The following TRPM3 variants were observed in gnomAD, a reference collection of about 807,000 sequenced individuals.
TRPM3 encodes the protein long transient receptor potential channel 3.
TRPM3 carries 77 observed loss-of-function variants against 181.2 expected under a neutral mutation model. That is an observed-to-expected ratio of 0.42 (90% CI 0.35 to 0.51). The LOEUF (loss-of-function observed/expected upper bound fraction) is 0.51. TRPM3 is among the 20% of genes least tolerant of loss of function. The pLI, the probability that TRPM3 is intolerant of heterozygous loss-of-function variation, is 0.01. For synonymous variants in TRPM3, 745 were observed against 796.4 expected, an observed-to-expected ratio of 0.94 and a Z score of 1.09; for missense variants, 1,759 against 2,196.7, an observed-to-expected ratio of 0.80 and a Z score of 3.98.
At chr9:70,954,425 A>G (rs2097042709) in intron 1 of TRPM3, among the ~76,000 whole-genome samples, 2 of 152,100 alleles carry the variant, frequency 1.3e-5, no homozygotes, top group Admixed American at 1.3e-4. Context: ...TTCCTACTAA[A>G]AGAGTCCTCT....
intron 1 of TRPM3, among the ~76,000 whole-genome samples, chr9:71,292,592 GATTGGAGAA>G (rs2085909022): frequency 6.6e-6 from 1 of 151,874 alleles, no homozygotes; most frequent in African/African-American, 2.4e-5. Context: ...GTTAAGAAGA[GATTGGAGAA>G]ATAGAAAATT....
At chr9:71,366,690 A>G (rs1247332572) in intron 1 of TRPM3, among the ~76,000 whole-genome samples, 2 of 152,166 alleles carry the variant, frequency 1.3e-5, no homozygotes, top group Non-Finnish European at 2.9e-5. Context: ...TTCTGTTTGT[A>G]TATTTAAAAT....
At chr9:71,234,033 G>A (rs2081223918) in intron 1 of TRPM3, among the ~76,000 whole-genome samples, 1 of 152,170 alleles carries the variant, frequency 6.6e-6, no homozygotes. Context: ...TATGGGCCAG[G>A]AATTTGGGAG....
Position 70,607,959 on chromosome 9 carries a change from C to A in TRPM3, c.2667+2650G>T, listed in dbSNP as rs990607714. On this transcript the variant is annotated intron_variant, in intron 19 of 25. Coordinates refer to ENST00000677713, the MANE Select transcript of TRPM3 (RefSeq NM_001366145.2). ...AATGAGATTTAGCCTAAAGCTGCCTCCTTAAGTTCGGCCTGAAGTTTTCTC... is the reference window on the plus strand; with the variant it reads ...AATGAGATTTAGCCTAAAGCTGCCTACTTAAGTTCGGCCTGAAGTTTTCTC... 1.3e-3 allele frequency among the ~76,000 whole-genome samples: 191 copies of A among 152,282 alleles called. 2 individuals are homozygous for A. The highest frequency in any genetic ancestry group is 1.5e-4 in the Non-Finnish European group (10 of 68,012).
At chr9:71,421,388 A>C (rs1179273702) in intron 1 of TRPM3, among the ~76,000 whole-genome samples, 3 of 151,832 alleles carry the variant, frequency 2.0e-5, no homozygotes, top group African/African-American at 4.8e-5. Flanking sequence ...AAAAAGGAAG[A>C]AAAGCTTTCT....
At chr9:70,560,920 G>T (rs140458503) in intron 22 of TRPM3, among the ~76,000 whole-genome samples, 9 of 152,284 alleles carry the variant, frequency 5.9e-5, no homozygotes, top group Admixed American at 2.0e-4. Flanking sequence ...GCAGGGAAAA[G>T]AAGTATTTAT....
chr9:70,837,623 C>G (rs1009120213), intron 5 of TRPM3, among the ~76,000 whole-genome samples: 9 of 152,164 alleles, frequency 5.9e-5, no homozygotes, highest in Admixed American at 1.3e-4. Context: ...CAAATCTGGT[C>G]AGATTGTTTT....
intron 22 of TRPM3, among the ~76,000 whole-genome samples, chr9:70,574,469 A>G (rs377737384): frequency 7.2e-5 from 11 of 152,158 alleles, no homozygotes; most frequent in Admixed American, 2.6e-4. Context: ...TCACTTCCTC[A>G]GAGAGCCTTT....
chr9:70,835,654 G>A (rs2131848188), intron 5 of TRPM3, among the ~76,000 whole-genome samples: 1 of 152,156 alleles, frequency 6.6e-6, no homozygotes, highest in South Asian at 2.1e-4. Flanking sequence ...GTGACCCTAA[G>A]CAAGTTATTT....
chr9:71,188,831 T>C (rs1333931989), intron 1 of TRPM3, among the ~76,000 whole-genome samples: 2 of 151,960 alleles, frequency 1.3e-5, no homozygotes, highest in African/African-American at 4.8e-5. Flanking sequence ...AAATAATATC[T>C]ATCTCTTAAA....
chr9:70,781,276 G>A (rs943781738), intron 7 of TRPM3, among the ~76,000 whole-genome samples: 1 of 144,628 alleles, frequency 6.9e-6, no homozygotes, highest in African/African-American at 2.6e-5. Flanking sequence ...AGTGAGCTGA[G>A]ATTGCATCAC....
intron 1 of TRPM3, among the ~76,000 whole-genome samples, chr9:70,976,036 G>A (rs1159549280): frequency 6.6e-6 from 1 of 152,000 alleles, no homozygotes; most frequent in Non-Finnish European, 1.5e-5. Context: ...GAGAATTCAT[G>A]GGTAATCTCA....
intron 1 of TRPM3, among the ~76,000 whole-genome samples, chr9:71,269,794 T>G (rs1169440090): frequency 2.0e-5 from 3 of 152,172 alleles, no homozygotes; most frequent in Non-Finnish European, 2.9e-5. Context: ...AATAATCTGG[T>G]CAACAGTAGA....
At chr9:71,073,657 A>G (rs1444312079) in intron 1 of TRPM3, among the ~76,000 whole-genome samples, 2 of 152,142 alleles carry the variant, frequency 1.3e-5, no homozygotes, top group South Asian at 2.1e-4. Flanking sequence ...AAAAAACCCA[A>G]TTTATTTAGA....
intron 1 of TRPM3, among the ~76,000 whole-genome samples, chr9:71,189,861 T>C (rs567431075): frequency 2.0e-5 from 3 of 151,982 alleles, no homozygotes; most frequent in African/African-American, 4.8e-5. Flanking sequence ...ATACCTCTAA[T>C]GTGGTTTTCA....
intron 1 of TRPM3, among the ~76,000 whole-genome samples, chr9:71,161,055 CT>C (rs1219125284): frequency 6.6e-6 from 1 of 152,170 alleles, no homozygotes; most frequent in Admixed American, 6.6e-5. Flanking sequence ...CAAAATTCCC[CT>C]TAAAGCTCAG....
chr9:70,591,122 G>A lies in TRPM3; in HGVS notation c.3132C>T (p.Pro1044=). 6.2e-7 allele frequency: 1 copy of A among 1,614,052 alleles called. No individual in the cohort carries two copies. Among genetic ancestry groups the A allele is most frequent in the South Asian group, 1.1e-5 (1 of 91,074 alleles). ...FGVARQAILF[P]NEEPSWKLAK... is the part of the protein sequence containing the mutation. ...CCAGTTTCCATGATGGCTCCTCATTGGGAAAAAGGATGGCTTGCCTGGCGA... is the reference window on the plus strand; with the variant it reads ...CCAGTTTCCATGATGGCTCCTCATTAGGAAAAAGGATGGCTTGCCTGGCGA... Residue 1044 remains proline (P), a synonymous_variant, in exon 22 of 26, where the codon CCC becomes CCT. Coordinates refer to ENST00000677713, the MANE Select transcript of TRPM3 (RefSeq NM_001366145.2).
chr9:71,389,629 T>C (rs926613384), intron 1 of TRPM3, among the ~76,000 whole-genome samples: 7 of 152,104 alleles, frequency 4.6e-5, no homozygotes, highest in Admixed American at 2.6e-4. Context: ...GGTGTACATA[T>C]ATAAGATGGA....
At chr9:71,322,644 T>G (rs2089336852) in intron 1 of TRPM3, among the ~76,000 whole-genome samples, 4 of 152,072 alleles carry the variant, frequency 2.6e-5, no homozygotes, top group Admixed American at 2.6e-4. Context: ...TTTTATGGTG[T>G]CAATAGAGAC....
Sources: gnomAD v4.1 joint callset for allele counts (sites outside exome capture counted in the v4.1 genomes callset) on GRCh38, gnomAD v4.1.1 for gene constraint, MANE v1.5 for transcripts, NCBI Gene and HGNC (gene_info 2026-07-23, HGNC 2026-07-21) for gene names.